Variants in MDGA2 observed in about 807,000 individuals in gnomAD.
MDGA2 encodes MAM domain containing glycosylphosphatidylinositol anchor 2, also known as MAM domain-containing glycosylphosphatidylinositol anchor protein 2.
Under a neutral mutation model 117.8 loss-of-function variants are expected in MDGA2, and 40 were observed. The observed-to-expected ratio is 0.34, with a 90% CI of 0.26 to 0.44. MDGA2 has a LOEUF of 0.44. MDGA2 is among the 20% of genes least tolerant of loss of function. The pLI is 1.00. For missense variants in MDGA2, 1,123 were observed against 1,250.6 expected, an observed-to-expected ratio of 0.90 and a Z score of 1.54; for synonymous variants, 452 against 439.0, an observed-to-expected ratio of 1.03 and a Z score of -0.37.
At chr14:47,524,188 T>C (rs928599127) in intron 1 of MDGA2, among the ~76,000 whole-genome samples, 1 of 152,234 alleles carries the variant, frequency 6.6e-6, no homozygotes, top group African/African-American at 2.4e-5. Flanking sequence ...TCAGCCTAGA[T>C]TATTAAAATA....
rs1268770871 is a variant in MDGA2 at position 47,476,351 on chromosome 14, TA to T, written c.281-174802del. On this transcript the variant is annotated intron_variant, in intron 1 of 16. Coordinates refer to ENST00000399232, the MANE Select transcript of MDGA2 (RefSeq NM_001113498.3). Reference sequence around the variant, plus strand: ...TCCTAAACAATAAAATAATGTTAAATAAGTTTTAGAGACACACGTAAACAAC... The same window carrying T: ...TCCTAAACAATAAAATAATGTTAAATAGTTTTAGAGACACACGTAAACAAC... Among the ~76,000 whole-genome samples, 5 of 152,134 alleles carry T rather than the reference TA, an allele frequency of 3.3e-5. No homozygotes were observed. The East Asian group carries it at 9.6e-4, about 29-fold the overall frequency.
chr14:47,229,253 T>C (rs1011008095), intron 2 of MDGA2, among the ~76,000 whole-genome samples: 1 of 152,134 alleles, frequency 6.6e-6, no homozygotes, highest in South Asian at 2.1e-4. Flanking sequence ...TTCTTCCTTA[T>C]TCTCTGAAAT....
At chr14:47,169,017 T>C (rs1036073345) in intron 3 of MDGA2, among the ~76,000 whole-genome samples, 6 of 151,980 alleles carry the variant, frequency 3.9e-5, no homozygotes, top group Non-Finnish European at 8.8e-5. Context: ...TTCAGATATA[T>C]AGATAGATAG....
rs79856657 is a variant in MDGA2 at position 47,374,244 on chromosome 14, T to C, written c.281-72694A>G. The stretch of plus-strand genomic sequence containing the variant: ...CTTTGATGGTAAAGATCATTAAATA[T>C]ACATCTAAATAAGAGTGAAAGAATA... On this transcript the variant is annotated intron_variant, in intron 1 of 16. Coordinates refer to ENST00000399232, the MANE Select transcript of MDGA2 (RefSeq NM_001113498.3). 8.0e-3 allele frequency among the ~76,000 whole-genome samples: 1,219 copies of C among 152,238 alleles called. 9 individuals carry two copies. Among genetic ancestry groups the C allele is most frequent in the Non-Finnish European group, 0.013 (916 of 67,972 alleles).
intron 1 of MDGA2, among the ~76,000 whole-genome samples, chr14:47,629,573 C>T (rs1177570438): frequency 1.3e-5 from 2 of 152,120 alleles, no homozygotes; most frequent in African/African-American, 4.8e-5. Flanking sequence ...GAAGTTGTAA[C>T]TAGTTCAGGG....
chr14:46,873,357 A>G, intron 14 of MDGA2, 76 bp downstream of exon 14: 1 of 1,338,054 alleles, frequency 7.5e-7, no homozygotes. Context: ...AATTGTTTTA[A>G]TGCTGTGTGT....
chr14:47,105,456 T>C (rs1357160430), intron 5 of MDGA2, among the ~76,000 whole-genome samples: 8 of 151,662 alleles, frequency 5.3e-5, no homozygotes, highest in Admixed American at 6.6e-5. Flanking sequence ...CATTCCTCCT[T>C]CTTCTCCCTT....
chr14:46,923,355 C>G (rs1008604295), intron 9 of MDGA2, among the ~76,000 whole-genome samples: 4 of 151,864 alleles, frequency 2.6e-5, no homozygotes, highest in African/African-American at 9.7e-5. Context: ...TTCAATATCT[C>G]ATATTATAGA....
intron 9 of MDGA2, among the ~76,000 whole-genome samples, chr14:46,937,444 T>C (rs185366706): frequency 6.6e-6 from 1 of 152,116 alleles, no homozygotes; most frequent in Admixed American, 6.5e-5. Flanking sequence ...ATGACATTCT[T>C]CACAGAAATA....
At chr14:47,283,920 A>G (rs1888585332) in intron 2 of MDGA2, among the ~76,000 whole-genome samples, 1 of 152,180 alleles carries the variant, frequency 6.6e-6, no homozygotes, top group South Asian at 2.1e-4. Context: ...ACAAAGCTGG[A>G]AAGTATGCAA....
intron 1 of MDGA2, among the ~76,000 whole-genome samples, chr14:47,652,150 G>A (rs955763951): frequency 6.6e-6 from 1 of 152,162 alleles, no homozygotes; most frequent in African/African-American, 2.4e-5. Flanking sequence ...TGATTGAGGA[G>A]AACAGGAAGA....
intron 1 of MDGA2, among the ~76,000 whole-genome samples, chr14:47,472,897 C>CT (rs1345732566): frequency 2.0e-5 from 3 of 151,882 alleles, no homozygotes; most frequent in Non-Finnish European, 4.4e-5. Flanking sequence ...GAGTGTCTGG[C>CT]TTTTTTTTAA....
intron 6 of MDGA2, among the ~76,000 whole-genome samples, chr14:47,068,545 G>A (rs1890167129): frequency 6.6e-6 from 1 of 151,758 alleles, no homozygotes; most frequent in South Asian, 2.1e-4. Flanking sequence ...CCAGTTATTT[G>A]AATAGAAGAT....
intron 1 of MDGA2, among the ~76,000 whole-genome samples, chr14:47,502,078 T>C (rs1204235707): frequency 1.3e-5 from 2 of 152,150 alleles, no homozygotes; most frequent in East Asian, 1.9e-4. Flanking sequence ...AATTATGCTA[T>C]ATTAATTTAT....
intron 8 of MDGA2, among the ~76,000 whole-genome samples, chr14:47,018,947 A>C (rs928134067): frequency 3.9e-5 from 6 of 152,120 alleles, no homozygotes; most frequent in Non-Finnish European, 8.8e-5. Flanking sequence ...GCACCTCTGA[A>C]ACCTACCTTA....
At chr14:46,957,775 C>T (rs1461724353) in intron 8 of MDGA2, 132 bp from the exon 9 acceptor site, 1 of 998,836 alleles carries the variant, frequency 1.0e-6, no homozygotes, top group Non-Finnish European at 1.4e-6. Context: ...GAATGAAGAA[C>T]ATATTTAAGC....
chr14:47,162,703 G>C (rs1231801855), intron 3 of MDGA2, among the ~76,000 whole-genome samples: 3 of 151,922 alleles, frequency 2.0e-5, no homozygotes, highest in African/African-American at 7.3e-5. Flanking sequence ...TATTTCCATA[G>C]GCTATATCCT....
intron 2 of MDGA2, among the ~76,000 whole-genome samples, chr14:47,251,073 T>C (rs545451848): frequency 1.6e-4 from 25 of 152,360 alleles, no homozygotes; most frequent in Non-Finnish European, 2.4e-4. Flanking sequence ...ACACTAATTA[T>C]ATCCTTGCTT....
intron 1 of MDGA2, among the ~76,000 whole-genome samples, chr14:47,665,655 TG>T (rs896338054): frequency 2.0e-5 from 3 of 152,070 alleles, no homozygotes; most frequent in South Asian, 2.1e-4. Context: ...CCCTGAGCAA[TG>T]GGGGGCTTAG....
Sources: allele counts gnomAD v4.1 joint callset (sites outside exome capture counted in the v4.1 genomes callset), GRCh38; gene constraint gnomAD v4.1.1; transcripts MANE v1.5; gene names NCBI Gene and HGNC (gene_info 2026-07-23, HGNC 2026-07-21).